HLCS: variants seen among roughly 807,000 people sequenced by gnomAD.
HLCS encodes the protein biotin--protein ligase.
HLCS carries 53 observed loss-of-function variants against 75.0 expected under a neutral mutation model. The observed-to-expected ratio is 0.71, with a 90% CI of 0.57 to 0.89. The LOEUF (loss-of-function observed/expected upper bound fraction) is 0.89. Ranked by LOEUF, HLCS falls within the 40% of genes least tolerant of loss-of-function variation. HLCS has a pLI of 0.00. For synonymous variants in HLCS, 431 were observed against 428.6 expected (o/e 1.01, Z -0.07); for missense variants, 966 against 1,074.0 (o/e 0.90, Z 1.41).
At chr21:36,903,080 G>C (rs996120405) in intron 5 of HLCS, among the ~76,000 whole-genome samples, 21 of 152,126 alleles carry the variant, frequency 1.4e-4, no homozygotes, top group African/African-American at 5.1e-4. Context: ...CAAAATAAGG[G>C]GTGATCCTGC....
intron 6 of HLCS, among the ~76,000 whole-genome samples, chr21:36,878,713 G>A (rs2064082776): frequency 6.6e-6 from 1 of 152,164 alleles, no homozygotes; most frequent in Non-Finnish European, 1.5e-5. Flanking sequence ...AAAATTAAGA[G>A]AATTGTCAAG....
chr21:36,973,120 C>T, intron 1 of HLCS, among the ~76,000 whole-genome samples: 1 of 151,574 alleles, frequency 6.6e-6, no homozygotes, highest in South Asian at 2.1e-4. Context: ...GTGACAGCTT[C>T]TCGGGAGGCT....
In HLCS at chr21:36,863,911, C is replaced by CA. The variant is rs1448404233; in HGVS notation, c.1892+32948dup. ...GCTTAAATGTCCCCTAGTAGAATTA[C>CA]AAAAAAAACTATGAAAGCCCTGCAT... On this transcript the variant is annotated intron_variant, in intron 6 of 10. Transcript: ENST00000674895. Among the ~76,000 whole-genome samples the CA allele has an allele frequency of 4.6e-5, 7 of 151,830 alleles. No individual in the cohort carries two copies. The East Asian group carries it at 5.8e-4, about 13-fold the overall frequency.
intron 2 of HLCS, among the ~76,000 whole-genome samples, chr21:36,940,143 T>C (rs2067078491): frequency 1.3e-5 from 2 of 152,154 alleles, no homozygotes; most frequent in South Asian, 4.1e-4. Context: ...TTAGATTGAC[T>C]GGAATAAAGT....
At chr21:36,782,795 C>G (rs1191684487) in intron 6 of HLCS, among the ~76,000 whole-genome samples, 1 of 151,928 alleles carries the variant, frequency 6.6e-6, no homozygotes, top group African/African-American at 2.4e-5. Flanking sequence ...ATAGTGAAAC[C>G]CCATCTCTAC....
chr21:36,943,209 A>G (rs1481060384), intron 2 of HLCS: 12 of 152,086 alleles, frequency 7.9e-5, no homozygotes, highest in Admixed American at 5.2e-4. Context: ...TAGTAATTCT[A>G]CTCCCCAGTA....
intron 6 of HLCS, among the ~76,000 whole-genome samples, chr21:36,774,264 TC>T (rs937470654): frequency 6.6e-6 from 1 of 152,084 alleles, no homozygotes; most frequent in African/African-American, 2.4e-5. Context: ...GGGATATTAT[TC>T]CTGGCAGCTA....
chr21:36,962,077 C>T lies in HLCS; in HGVS notation c.289G>A (p.Val97Ile), dbSNP rs1461782601. ...GATCTCTGTAAATTCTCACTTTGTA[C>T]CCAAATGCTCTCCGTCACAAATGCT... ...HIAFVTESIW[V>I]QSENLQRSSS... Residue 97 changes from valine to isoleucine, a missense_variant, in exon 2 of 11, where the codon GTA becomes ATA. Coordinates refer to ENST00000674895, the MANE Select transcript of HLCS (RefSeq NM_001352514.2). 3.9e-6 allele frequency: 5 copies of T among 1,289,136 alleles called. No individual in the cohort carries two copies. Among genetic ancestry groups the T allele is most frequent in the Non-Finnish European group, 4.0e-6 (4 of 988,470 alleles). 79.9% of individuals were successfully genotyped at this position (1,289,136 alleles called of 1,614,324 possible). A position where few individuals can be genotyped will look rare whatever the true frequency, so the allele number is the denominator to read the frequency against.
intron 6 of HLCS, among the ~76,000 whole-genome samples, chr21:36,893,442 A>G (rs149572417): frequency 5.9e-4 from 90 of 152,290 alleles, no homozygotes; most frequent in African/African-American, 2.1e-3. Context: ...GTTACCTAGA[A>G]TTCTACACAC....
At chr21:36,778,181 G>T (rs887221146) in intron 6 of HLCS, among the ~76,000 whole-genome samples, 1 of 152,048 alleles carries the variant, frequency 6.6e-6, no homozygotes, top group African/African-American at 2.4e-5. Context: ...ATGTTAGCCA[G>T]GATGGTCTTG....
intron 6 of HLCS, among the ~76,000 whole-genome samples, chr21:36,825,491 A>T (rs1441235153): frequency 6.6e-6 from 1 of 152,178 alleles, no homozygotes; most frequent in Non-Finnish European, 1.5e-5. Flanking sequence ...GTGTACACGT[A>T]AATATACATA....
chr21:36,972,622 T>C lies in HLCS; in HGVS notation c.-392-10452A>G, dbSNP rs939491320. Among the ~76,000 whole-genome samples the C allele has an allele frequency of 3.3e-5, 5 of 152,200 alleles. No homozygotes were observed. The East Asian group carries it at 5.8e-4, about 18-fold the overall frequency. On this transcript the variant is annotated intron_variant, in intron 1 of 11. Coordinates refer to the HLCS transcript ENST00000336648. Reference sequence around the variant, plus strand: ...TAATCCAGTAAAACTGAGTTACATATAGAAAGGCTTGAAAGAAGCAAAGCC... The same window carrying C: ...TAATCCAGTAAAACTGAGTTACATACAGAAAGGCTTGAAAGAAGCAAAGCC...
At chr21:36,825,995 T>C (rs536071779) in intron 6 of HLCS, among the ~76,000 whole-genome samples, 5 of 151,996 alleles carry the variant, frequency 3.3e-5, no homozygotes, top group Admixed American at 2.0e-4. Flanking sequence ...GGGAGTTTCT[T>C]CACTGGGTAC....
chr21:36,783,262 T>C (rs2060587261), intron 6 of HLCS, among the ~76,000 whole-genome samples: 1 of 152,120 alleles, frequency 6.6e-6, no homozygotes, highest in Non-Finnish European at 1.5e-5. Flanking sequence ...AGATACCCTC[T>C]GAATCCCAAC....
intron 6 of HLCS, among the ~76,000 whole-genome samples, chr21:36,838,560 C>T (rs975140675): frequency 6.6e-6 from 1 of 151,812 alleles, no homozygotes; most frequent in African/African-American, 2.4e-5. Context: ...AAAAATTAGC[C>T]GGGAGAGGTG....
intron 6 of HLCS, among the ~76,000 whole-genome samples, chr21:36,878,803 A>T (rs913457068): frequency 6.6e-6 from 1 of 152,214 alleles, no homozygotes; most frequent in African/African-American, 2.4e-5. Context: ...TGGGGAACAT[A>T]GTACATTACG....
At chr21:36,970,322 T>C (rs958826174), upstream of HLCS, among the ~76,000 whole-genome samples, 1 of 152,154 alleles carries the variant, frequency 6.6e-6, no homozygotes, top group Non-Finnish European at 1.5e-5. Flanking sequence ...AGCCTCGACC[T>C]CGTGGGCTCA....
rs536869006 is a variant in HLCS, at chr21:36,895,535, C to T, written c.1892+1325G>A. On this transcript the variant is annotated intron_variant, in intron 6 of 10. Transcript: ENST00000674895. ...CACGGCTCACAGCTCCCCTCCCAGC[C>T]TGCCCCCATTGCTCTGATAATCCTC... Among the ~76,000 whole-genome samples, 40 of 152,326 alleles carry T rather than the reference C, an allele frequency of 2.6e-4. 1 individual carries two copies. Among genetic ancestry groups the T allele is most frequent in the Non-Finnish European group, 2.9e-5 (2 of 68,042 alleles).
At chr21:36,754,558 G>A (rs1361506858) in intron 10 of HLCS, 141 bp from the exon 11 acceptor site, 1 of 833,350 alleles carries the variant, frequency 1.2e-6, no homozygotes, top group Non-Finnish European at 2.0e-6. Context: ...AGGCAGCCTG[G>A]GCTGAGCTCT....
Sources: allele counts gnomAD v4.1 joint callset (sites outside exome capture counted in the v4.1 genomes callset), GRCh38; gene constraint gnomAD v4.1.1; transcripts MANE v1.5; gene names NCBI Gene and HGNC (gene_info 2026-07-23, HGNC 2026-07-21).